Variants in COL19A1 observed in about 807,000 individuals in gnomAD.
COL19A1 encodes the protein collagen type XIX alpha 1 chain.
In COL19A1, 159 loss-of-function variants were observed where a neutral mutation model predicts 190.2. The observed-to-expected ratio is 0.84, with a 90% CI of 0.73 to 0.95. COL19A1 has a LOEUF of 0.95. Ranked by LOEUF, COL19A1 falls within the 40% of genes least tolerant of loss-of-function variation. The probability of loss-of-function intolerance (pLI) is 0.00; values close to 1 mark genes in which losing one functional copy is unlikely to be tolerated. For synonymous variants in COL19A1, 509 were observed against 458.9 expected (o/e 1.11, Z -1.39); for missense variants, 1,418 against 1,431.9 (o/e 0.99, Z 0.16).
chr6:69,960,856 C>A (rs937223393), intron 10 of COL19A1, among the ~76,000 whole-genome samples: 2 of 152,062 alleles, frequency 1.3e-5, no homozygotes, highest in South Asian at 4.2e-4. Context: ...TGGTCTCGAT[C>A]TCCTGACCTC....
chr6:70,165,805 T>A, intron 36 of COL19A1, 136 bp from the exon 37 acceptor site: 2 of 799,642 alleles, frequency 2.5e-6, no homozygotes, highest in Non-Finnish European at 4.3e-6. Flanking sequence ...CCCAGCTGAA[T>A]AAGACTACAA....
rs545780821 is a variant in COL19A1 at position 70,104,023 on chromosome 6, C to A, written c.1278+1801C>A. ...GGCCTCAACCCAGTACCCTAGGAAT[C>A]TCTTAGGATGTGCTCACCTGCCAAA... On this transcript the variant is annotated intron_variant, in intron 16 of 50. Coordinates refer to ENST00000620364, the MANE Select transcript of COL19A1 (RefSeq NM_001858.6). Among the ~76,000 whole-genome samples, 9 of 152,296 alleles carry A rather than the reference C, an allele frequency of 5.9e-5. No homozygotes were observed. In the East Asian group the frequency reaches 1.5e-3, roughly 26 times the overall value.
At chr6:70,093,299 T>A (rs578170244) in intron 15 of COL19A1, among the ~76,000 whole-genome samples, 59 of 152,266 alleles carry the variant, frequency 3.9e-4, no homozygotes, top group African/African-American at 1.3e-3. Flanking sequence ...CAGCTTCATG[T>A]GGCACCAAGA....
At chr6:70,002,607 A>T (rs149547129) in intron 11 of COL19A1, among the ~76,000 whole-genome samples, 2,084 of 147,518 alleles carry the variant, frequency 0.014, 44 homozygotes, top group East Asian at 0.069. Flanking sequence ...AAATATATTT[A>T]TATATATATA....
intron 48 of COL19A1, among the ~76,000 whole-genome samples, chr6:70,194,516 A>G (rs1026939764): frequency 6.6e-6 from 1 of 152,178 alleles, no homozygotes; most frequent in African/African-American, 2.4e-5. Flanking sequence ...TCTGAAGTTC[A>G]ATTAAATTCC....
At chr6:70,130,602 C>A (rs926759564) in intron 18 of COL19A1, among the ~76,000 whole-genome samples, 1 of 152,232 alleles carries the variant, frequency 6.6e-6, no homozygotes, top group African/African-American at 2.4e-5. Context: ...GGGGGCAGCC[C>A]CCTGGCAGCA....
intron 13 of COL19A1, 70 bp downstream of exon 13, chr6:70,034,368 C>T: frequency 8.7e-7 from 1 of 1,154,812 alleles, no homozygotes; most frequent in Non-Finnish European, 1.3e-6. Flanking sequence ...AGTGACTTCT[C>T]ATTGATACTG....
chr6:70,098,030 G>A (rs1223488502), intron 15 of COL19A1, among the ~76,000 whole-genome samples: 1 of 152,152 alleles, frequency 6.6e-6, no homozygotes, highest in Non-Finnish European at 1.5e-5. Flanking sequence ...AACAGCCAGA[G>A]ATAGAAGTGA....
chr6:70,092,350 A>G (rs150064105), intron 15 of COL19A1, among the ~76,000 whole-genome samples: 1 of 152,148 alleles, frequency 6.6e-6, no homozygotes. Context: ...TAACCAAATG[A>G]ACAAGTCTGT....
chr6:70,151,128 A>G (rs150077346), intron 30 of COL19A1, among the ~76,000 whole-genome samples: 7 of 152,184 alleles, frequency 4.6e-5, no homozygotes, highest in Non-Finnish European at 5.9e-5. Context: ...AAAATATAAA[A>G]TAGGGATGCA....
At chr6:69,988,227 G>A (rs569137555) in intron 11 of COL19A1, among the ~76,000 whole-genome samples, 1 of 152,198 alleles carries the variant, frequency 6.6e-6, no homozygotes, top group Non-Finnish European at 1.5e-5. Context: ...ACCAAAGGCA[G>A]TGAAAAGGTT....
chr6:69,967,686 C>A (rs958547712), intron 11 of COL19A1, among the ~76,000 whole-genome samples: 3 of 152,070 alleles, frequency 2.0e-5, no homozygotes, highest in Non-Finnish European at 4.4e-5. Flanking sequence ...AAAATATAAT[C>A]TAGGTCCTAA....
At position 70,028,359 on chromosome 6, in the gene COL19A1, G is replaced by A. The variant is rs117664947; in HGVS notation, c.1080+4679G>A. ...TGTGGACAAGTTACAGAAAGGTGAAGGCTGGACCTCCACTGTGAACAAAAG... is the reference window on the plus strand; with the variant it reads ...TGTGGACAAGTTACAGAAAGGTGAAAGCTGGACCTCCACTGTGAACAAAAG... On this transcript the variant is annotated intron_variant, in intron 12 of 50. Transcript: ENST00000620364. Among the ~76,000 whole-genome samples the A allele has an allele frequency of 9.0e-4, 137 of 152,214 alleles. 4 individuals carry two copies. In the East Asian group the frequency reaches 0.023, roughly 26 times the overall value.
At chr6:70,001,883 C>A (rs1391902286) in intron 11 of COL19A1, among the ~76,000 whole-genome samples, 1 of 152,088 alleles carries the variant, frequency 6.6e-6, no homozygotes, top group Non-Finnish European at 1.5e-5. Context: ...ATTGCCCTGG[C>A]CAAAATTTCT....
intron 2 of COL19A1, among the ~76,000 whole-genome samples, chr6:69,893,197 T>C (rs1769476825): frequency 6.6e-6 from 1 of 152,226 alleles, no homozygotes; most frequent in South Asian, 2.1e-4. Flanking sequence ...TTCGTGAATG[T>C]TTCAGCTTTT....
chr6:70,199,372 C>G (rs953825699), intron 48 of COL19A1, among the ~76,000 whole-genome samples: 1 of 152,210 alleles, frequency 6.6e-6, no homozygotes, highest in Non-Finnish European at 1.5e-5. Context: ...CTCAGAAGCA[C>G]TGAAAATTCT....
At chr6:70,191,410 T>A (rs1240605350) in intron 48 of COL19A1, among the ~76,000 whole-genome samples, 1 of 152,148 alleles carries the variant, frequency 6.6e-6, no homozygotes, top group African/African-American at 2.4e-5. Context: ...TTTGAAATGT[T>A]GTCTCTTGAA....
chr6:69,963,469 G>GGCCAAGGCTGGAGACAGGA (rs1774918389), intron 11 of COL19A1, among the ~76,000 whole-genome samples: 1 of 152,172 alleles, frequency 6.6e-6, no homozygotes, highest in African/African-American at 2.4e-5. Context: ...AAAAGTGTGT[G>GGCCAAGGCTGGAGACAGGA]GCCAAGGCTG....
chr6:70,082,559 T>A (rs937810366), intron 15 of COL19A1, among the ~76,000 whole-genome samples: 2 of 152,038 alleles, frequency 1.3e-5, no homozygotes, highest in African/African-American at 4.8e-5. Flanking sequence ...ACTAGAGGTG[T>A]GTGCCACCAC....
Sources: allele counts gnomAD v4.1 joint callset (sites outside exome capture counted in the v4.1 genomes callset), GRCh38; gene constraint gnomAD v4.1.1; transcripts MANE v1.5; gene names NCBI Gene and HGNC (gene_info 2026-07-23, HGNC 2026-07-21).